Variants in ARFGAP3 observed in about 807,000 individuals in gnomAD.
The protein encoded by ARFGAP3 is ARF GTPase activating protein 3, also known as ADP-ribosylation factor GTPase-activating protein 3.
Under a neutral mutation model 75.0 loss-of-function variants are expected in ARFGAP3, and 72 were observed. The ratio of observed to expected loss-of-function variants is 0.96; its 90% CI spans 0.79 to 1.17. ARFGAP3 has a LOEUF of 1.17. Ranked by LOEUF, ARFGAP3 falls within the 50% of genes most tolerant of loss-of-function variation. The pLI is 0.00. For missense variants in ARFGAP3, 620 were observed against 626.6 expected, an observed-to-expected ratio of 0.99 and a Z score of 0.11; for synonymous variants, 221 against 217.9, an observed-to-expected ratio of 1.01 and a Z score of -0.13.
At chr22:42,822,213 C>A in intron 9 of ARFGAP3, 57 bp downstream of exon 9, 2 of 1,361,610 alleles carry the variant, frequency 1.5e-6, no homozygotes, top group Non-Finnish European at 2.0e-6. Flanking sequence ...AAAGCAAAAT[C>A]TTGAGTTAAT....
At position 42,817,256 on chromosome 22, in the gene ARFGAP3, G is replaced by A. The variant is rs147432132; in HGVS notation, c.950C>T (p.Ser317Leu). 257 of 1,605,826 alleles carry A rather than the reference G, an allele frequency of 1.6e-4. 1 individual carries two copies. The East Asian group carries it at 5.7e-3, about 36-fold the overall frequency. Residue 317 changes from serine (S) to leucine (L), a missense_variant, in exon 11 of 16, where the codon TCA becomes TTA. Transcript: ENST00000263245. ...MGFGNCRSVI[S>L]HSVTSDMQTI... ...CTGCATATCTGAAGTCACTGAATGTGAAATAACACTTGAGAAAACAGAAAA... is the reference window on the plus strand; with the variant it reads ...CTGCATATCTGAAGTCACTGAATGTAAAATAACACTTGAGAAAACAGAAAA...
At chr22:42,832,631 T>C (rs1171476265) in intron 5 of ARFGAP3, among the ~76,000 whole-genome samples, 1 of 151,860 alleles carries the variant, frequency 6.6e-6, no homozygotes, top group African/African-American at 2.4e-5. Flanking sequence ...TGGGAGGAGC[T>C]AGAGTAGCTG....
chr22:42,825,685 C>CAAA lies in ARFGAP3; in HGVS notation c.625+1252_625+1254dup, dbSNP rs538206434. On this transcript the variant is annotated intron_variant, in intron 7 of 15. Transcript: ENST00000263245. ...GGGTGACAGAGTGAGACTCTGTCTC[C>CAAA]AAAAAAAAAAAAAAAAGAAACATAA... Among the ~76,000 whole-genome samples, 12 of 64,446 alleles carry CAAA rather than the reference C, an allele frequency of 1.9e-4. 1 individual carries two copies. Among genetic ancestry groups the CAAA allele is most frequent in the African/African-American group, 4.8e-4 (9 of 18,718 alleles). 42.3% of individuals were successfully genotyped at this position (64,446 alleles called of 152,430 possible). A position where few individuals can be genotyped will look rare whatever the true frequency, so the allele number is the denominator to read the frequency against.
chr22:42,841,057 C>T, intron 2 of ARFGAP3, 41 bp from the exon 3 acceptor site: 2 of 1,594,524 alleles, frequency 1.3e-6, no homozygotes, highest in Non-Finnish European at 8.5e-7. Context: ...TATTTTTTAT[C>T]CCCAGGAGCA....
intron 14 of ARFGAP3, among the ~76,000 whole-genome samples, chr22:42,803,976 T>A (rs1372229024): frequency 7.2e-6 from 1 of 138,860 alleles, no homozygotes; most frequent in Non-Finnish European, 1.5e-5. Context: ...CGATCTCAGA[T>A]CACTGTAACC....
chr22:42,837,232 CAGG>C (rs1926557162), intron 3 of ARFGAP3, among the ~76,000 whole-genome samples: 3 of 152,238 alleles, frequency 2.0e-5, no homozygotes, highest in East Asian at 1.9e-4. Context: ...GAAGCCAAAG[CAGG>C]AGGATTGCTT....
Position 42,826,881 on chromosome 22 carries a change from A to AT in ARFGAP3, c.625+58dup, listed in dbSNP as rs1039948092. The AT allele has an allele frequency of 4.7e-6, 7 of 1,498,368 alleles. No individual in the cohort carries two copies. The African/African-American group carries it at 5.6e-5, about 12-fold the overall frequency. The allele number at this position is 1,498,368 out of a possible 1,614,324, so 92.8% of individuals were successfully genotyped here. On this transcript the variant is annotated intron_variant, in intron 7 of 15. Coordinates refer to ENST00000263245, the MANE Select transcript of ARFGAP3 (RefSeq NM_014570.5). The stretch of plus-strand genomic sequence containing the variant: ...GCCCAGGCCAAATGCAAGAGGATTT[A>AT]TTTTTTTCTTAATGAGTCATACACT...
chr22:42,836,372 C>T (rs1379877579), intron 3 of ARFGAP3, among the ~76,000 whole-genome samples: 1 of 152,080 alleles, frequency 6.6e-6, no homozygotes, highest in Non-Finnish European at 1.5e-5. Flanking sequence ...CTCCTGGATT[C>T]AAGCAATCCT....
intron 11 of ARFGAP3, among the ~76,000 whole-genome samples, chr22:42,811,429 T>C (rs1251902156): frequency 2.6e-5 from 4 of 152,372 alleles, no homozygotes; most frequent in African/African-American, 9.6e-5. Flanking sequence ...TTTCACTGTC[T>C]TTAGGTCTCA....
At chr22:42,842,304 CTTTTTTT>C (rs58205841) in intron 2 of ARFGAP3, among the ~76,000 whole-genome samples, 1 of 120,370 alleles carries the variant, frequency 8.3e-6, no homozygotes, top group Non-Finnish European at 1.6e-5. Flanking sequence ...CGTGCCTGGC[CTTTTTTT>C]TTTTTTTTTT....
intron 6 of ARFGAP3, among the ~76,000 whole-genome samples, chr22:42,830,078 T>G (rs1486284298): frequency 6.6e-6 from 1 of 152,182 alleles, no homozygotes; most frequent in Non-Finnish European, 1.5e-5. Flanking sequence ...TTCCCACCCT[T>G]ATACCTATAA....
chr22:42,837,994 G>A, intron 3 of ARFGAP3, among the ~76,000 whole-genome samples: 1 of 150,646 alleles, frequency 6.6e-6, no homozygotes, highest in Non-Finnish European at 1.5e-5. Context: ...TTAATTAAGA[G>A]GGGCAAAAAT....
intron 15 of ARFGAP3, among the ~76,000 whole-genome samples, chr22:42,798,478 G>A (rs1924704641): frequency 6.6e-6 from 1 of 151,648 alleles, no homozygotes; most frequent in Admixed American, 6.6e-5. Context: ...AGATGGCCTC[G>A]ACTCTCATGC....
At position 42,817,239 on chromosome 22, in the gene ARFGAP3, C is replaced by T. The variant is rs1046779537; in HGVS notation, c.967G>A (p.Asp323Asn). 1.2e-6 allele frequency: 2 copies of T among 1,610,904 alleles called. No individual in the cohort carries two copies. Among genetic ancestry groups the T allele is most frequent in the African/African-American group, 2.7e-5 (2 of 74,834 alleles). ...RSVISHSVTS[D>N]MQTIEQESPI... ...GATTCCTGCTCTATGGTCTGCATATCTGAAGTCACTGAATGTGAAATAACA... is the reference window on the plus strand; with the variant it reads ...GATTCCTGCTCTATGGTCTGCATATTTGAAGTCACTGAATGTGAAATAACA... Residue 323 changes from aspartate (D) to asparagine (N), a missense_variant, in exon 11 of 16, where the codon GAT (aspartate) becomes AAT (asparagine). Coordinates refer to ENST00000263245, the MANE Select transcript of ARFGAP3 (RefSeq NM_014570.5).
intron 2 of ARFGAP3, among the ~76,000 whole-genome samples, chr22:42,844,057 C>T (rs1389548648): frequency 6.6e-6 from 1 of 152,148 alleles, no homozygotes. Context: ...CCATGCCACA[C>T]AGGAAGCAGT....
In ARFGAP3 at chr22:42,835,376, T is replaced by C; in HGVS notation, c.379A>G (p.Lys127Glu). 6.2e-7 allele frequency: 1 copy of C among 1,614,046 alleles called. No individual in the cohort carries two copies. The highest frequency in any genetic ancestry group is 2.2e-5 in the East Asian group (1 of 44,880). Residue 127 changes from lysine to glutamate, a missense_variant, in exon 4 of 16, where the codon AAG becomes GAG. Coordinates refer to ENST00000263245, the MANE Select transcript of ARFGAP3 (RefSeq NM_014570.5). ...CAGTGACTTACATCAGTGCCATGCTTCCGTGTTGCTTGAGAGGCGAGCGAT... is the reference window on the plus strand; with the variant it reads ...CAGTGACTTACATCAGTGCCATGCTCCCGTGTTGCTTGAGAGGCGAGCGAT... ...IKSLASQATR[K>E]HGTDLWLDSC...
intron 14 of ARFGAP3, among the ~76,000 whole-genome samples, chr22:42,806,341 G>A (rs993536527): frequency 1.9e-4 from 29 of 148,916 alleles, no homozygotes; most frequent in Non-Finnish European, 3.1e-4. Flanking sequence ...AGGGGAAGTC[G>A]AAGCAGAGGG....
chr22:42,803,217 C>G (rs5758952), intron 14 of ARFGAP3, among the ~76,000 whole-genome samples: 1 of 152,134 alleles, frequency 6.6e-6, no homozygotes, highest in Non-Finnish European at 1.5e-5. Context: ...GTTGTCCAGG[C>G]TGGTCTGGAA....
intron 2 of ARFGAP3, among the ~76,000 whole-genome samples, chr22:42,845,897 G>A (rs143331192): frequency 0.029 from 4,476 of 152,092 alleles, 85 homozygotes; most frequent in African/African-American, 0.041. Context: ...AATTAGCTGA[G>A]TGTGGTGGCG....
Sources: gnomAD v4.1 joint callset for allele counts (sites outside exome capture counted in the v4.1 genomes callset) on GRCh38, gnomAD v4.1.1 for gene constraint, MANE v1.5 for transcripts, NCBI Gene and HGNC (gene_info 2026-07-23, HGNC 2026-07-21) for gene names.